The following ATP8A2 variants were observed in gnomAD, a reference collection of about 807,000 sequenced individuals.
ATP8A2 encodes phospholipid-transporting ATPase IB.
A neutral mutation model predicts 165.6 loss-of-function variants in ATP8A2; 100 were observed. The ratio of observed to expected loss-of-function variants is 0.60; its 90% CI spans 0.51 to 0.71. ATP8A2 has a LOEUF of 0.71. Ranked by LOEUF, ATP8A2 falls within the 30% of genes least tolerant of loss-of-function variation. The pLI, the probability that ATP8A2 is intolerant of heterozygous loss-of-function variation, is 0.00. For synonymous variants in ATP8A2, 543 were observed against 548.8 expected, an observed-to-expected ratio of 0.99 and a Z score of 0.15; for missense variants, 1,227 against 1,479.5, an observed-to-expected ratio of 0.83 and a Z score of 2.80.
intron 27 of ATP8A2, among the ~76,000 whole-genome samples, chr13:25,819,127 A>C (rs761513468): frequency 6.6e-5 from 10 of 152,160 alleles, no homozygotes; most frequent in Non-Finnish European, 1.3e-4. Flanking sequence ...ATGTATGTAA[A>C]CATACAGCAT....
At chr13:25,595,006 A>ATG (rs1555227161) in intron 24 of ATP8A2, among the ~76,000 whole-genome samples, 1 of 140,446 alleles carries the variant, frequency 7.1e-6, no homozygotes, top group East Asian at 2.0e-4. Context: ...ATATATATAT[A>ATG]TGTATGTATG....
At chr13:25,599,499 G>A (rs111788504) in intron 24 of ATP8A2, among the ~76,000 whole-genome samples, 6 of 152,172 alleles carry the variant, frequency 3.9e-5, no homozygotes, top group African/African-American at 1.4e-4. Flanking sequence ...TATAAATCTT[G>A]TATACTAGTT....
intron 30 of ATP8A2, among the ~76,000 whole-genome samples, chr13:25,845,140 A>G (rs1951828287): frequency 6.6e-6 from 1 of 152,176 alleles, no homozygotes. Flanking sequence ...CCATACACTT[A>G]CTGCCATGGT....
chr13:25,911,838 G>A (rs899625767), intron 33 of ATP8A2, among the ~76,000 whole-genome samples: 83 of 152,196 alleles, frequency 5.5e-4, no homozygotes, highest in Non-Finnish European at 6.8e-4. Context: ...CTTACAGATC[G>A]TTTTGCCTGG....
chr13:25,879,912 A>G (rs560167693), intron 33 of ATP8A2, among the ~76,000 whole-genome samples: 1 of 152,372 alleles, frequency 6.6e-6, no homozygotes, highest in Non-Finnish European at 1.5e-5. Flanking sequence ...ATAATTGATT[A>G]AGTTTAAGAA....
chr13:25,415,726 C>T (rs2034113774), intron 1 of ATP8A2, among the ~76,000 whole-genome samples: 1 of 152,128 alleles, frequency 6.6e-6, no homozygotes, highest in South Asian at 2.1e-4. Flanking sequence ...GGTTTGTTTC[C>T]TCATCTCAAT....
chr13:25,533,375 G>T, intron 6 of ATP8A2, 62 bp downstream of exon 6: 5 of 912,680 alleles, frequency 5.5e-6, no homozygotes, highest in Non-Finnish European at 7.1e-6. Context: ...ATGAATTGCT[G>T]GTCTTGATTG....
intron 24 of ATP8A2, among the ~76,000 whole-genome samples, chr13:25,609,565 T>TTAAATATATATATATATATTTGGATC (rs762280019): frequency 1.7e-5 from 2 of 120,774 alleles, no homozygotes; most frequent in Non-Finnish European, 3.5e-5. Flanking sequence ...ATATTTGGAT[T>TTAAATATATATATATATATTTGGATC]CAAATATATA....
At chr13:25,907,204 C>T (rs576950969) in intron 33 of ATP8A2, among the ~76,000 whole-genome samples, 3 of 152,040 alleles carry the variant, frequency 2.0e-5, no homozygotes, top group Admixed American at 6.5e-5. Flanking sequence ...GTGTGGAGAT[C>T]GCGCCACTGC....
intron 35 of ATP8A2, among the ~76,000 whole-genome samples, chr13:26,008,477 A>G (rs984085777): frequency 1.3e-5 from 2 of 152,180 alleles, no homozygotes; most frequent in African/African-American, 4.8e-5. Context: ...TGAGATCAAT[A>G]TGGAGATACT....
chr13:25,837,426 CACACACACACACACA>C (rs1951643897), intron 29 of ATP8A2, 141 bp downstream of exon 29: 17 of 11,090 alleles, frequency 1.5e-3, no homozygotes, highest in Middle Eastern at 0.023. Flanking sequence ...CCCACCACCA[CACACACACACACACA>C]CACACACACA....
chr13:25,623,184 G>C (rs762926902), intron 24 of ATP8A2, among the ~76,000 whole-genome samples: 1 of 152,154 alleles, frequency 6.6e-6, no homozygotes, highest in African/African-American at 2.4e-5. Flanking sequence ...AGGAATTCAA[G>C]ACCACCTGGG....
Position 25,859,089 on chromosome 13 carries a change from G to C in ATP8A2, c.2957-1106G>C, listed in dbSNP as rs182885482. On this transcript the variant is annotated intron_variant, in intron 30 of 36. Transcript: ENST00000381655. ...ATGGTGGCGGGCACCTGTAATCCCAGCTACTTGGGAGGCTGAGGCAGAGAA... is the reference window on the plus strand; with the variant it reads ...ATGGTGGCGGGCACCTGTAATCCCACCTACTTGGGAGGCTGAGGCAGAGAA... Among the ~76,000 whole-genome samples, 682 of 152,136 alleles carry C rather than the reference G, an allele frequency of 4.5e-3. 4 individuals are homozygous for C. Among genetic ancestry groups the C allele is most frequent in the African/African-American group, 0.016 (650 of 41,476 alleles).
intron 2 of ATP8A2, among the ~76,000 whole-genome samples, chr13:25,503,480 T>C (rs2036922130): frequency 6.6e-6 from 1 of 152,224 alleles, no homozygotes; most frequent in East Asian, 1.9e-4. Context: ...GGTGAGACGC[T>C]TGGCACTGGT....
At chr13:25,454,189 G>A (rs1156529926) in intron 1 of ATP8A2, among the ~76,000 whole-genome samples, 2 of 152,128 alleles carry the variant, frequency 1.3e-5, no homozygotes, top group Admixed American at 1.3e-4. Flanking sequence ...GTTGTTTGTG[G>A]CTGGGCTCTC....
At chr13:25,510,056 G>A (rs957179905) in intron 2 of ATP8A2, among the ~76,000 whole-genome samples, 2 of 152,190 alleles carry the variant, frequency 1.3e-5, no homozygotes, top group East Asian at 3.9e-4. Flanking sequence ...CCTGCAAGGC[G>A]TGGACAGGTG....
rs576746936 is a variant in ATP8A2 at position 25,678,890 on chromosome 13, T to C, written c.2212-20283T>C. ...GTATGTGAAAGCATGCAGTAAGCTG[T>C]AACATGCTACAAAAATGCAAGTTAT... is the stretch of plus-strand genomic sequence containing the variant. On this transcript the variant is annotated intron_variant, in intron 24 of 36. Coordinates refer to ENST00000381655, the MANE Select transcript of ATP8A2 (RefSeq NM_016529.6). 2.0e-5 allele frequency among the ~76,000 whole-genome samples: 3 copies of C among 152,300 alleles called. No homozygotes were observed. The South Asian group carries it at 6.2e-4, about 32-fold the overall frequency.
intron 25 of ATP8A2, among the ~76,000 whole-genome samples, chr13:25,710,221 T>G (rs1010169124): frequency 3.3e-5 from 5 of 152,222 alleles, no homozygotes; most frequent in Non-Finnish European, 7.3e-5. Context: ...CAGATCAGGG[T>G]AATTGGGGTG....
intron 22 of ATP8A2, among the ~76,000 whole-genome samples, chr13:25,580,454 G>A (rs1214428482): frequency 1.3e-5 from 2 of 152,146 alleles, no homozygotes; most frequent in African/African-American, 4.8e-5. Context: ...TCCTTCAAGT[G>A]TGGGAGCTGG....
Sources: gnomAD v4.1 joint callset for allele counts (sites outside exome capture counted in the v4.1 genomes callset) on GRCh38, gnomAD v4.1.1 for gene constraint, MANE v1.5 for transcripts, NCBI Gene and HGNC (gene_info 2026-07-23, HGNC 2026-07-21) for gene names.